The following MARK4 variants were observed in gnomAD, a reference collection of about 807,000 sequenced individuals.
MARK4 encodes the protein MAP/microtubule affinity-regulating kinase 4.
Under a neutral mutation model 81.5 loss-of-function variants are expected in MARK4, and 19 were observed. The observed-to-expected ratio is 0.23, with a 90% CI of 0.16 to 0.34. MARK4 has a LOEUF of 0.34. Ranked by LOEUF, MARK4 falls within the 10% of genes least tolerant of loss-of-function variation. MARK4 has a pLI of 1.00. For synonymous variants in MARK4, 436 were observed against 439.0 expected, an observed-to-expected ratio of 0.99 and a Z score of 0.08; for missense variants, 772 against 1,058.8, an observed-to-expected ratio of 0.73 and a Z score of 3.76.
intron 7 of MARK4, among the ~76,000 whole-genome samples, chr19:45,269,689 A>G (rs1970500279): frequency 6.6e-6 from 1 of 152,074 alleles, no homozygotes; most frequent in Non-Finnish European, 1.5e-5. Context: ...CACTGTGGAA[A>G]CGGGTGGCCT....
chr19:45,267,701 C>T (rs1054057549), intron 7 of MARK4, among the ~76,000 whole-genome samples: 1 of 152,078 alleles, frequency 6.6e-6, no homozygotes, highest in African/African-American at 2.4e-5. Flanking sequence ...TTTTTTGTTG[C>T]CCATACTGAA....
At position 45,302,904 on chromosome 19, in the gene MARK4, C is replaced by CG. The variant is rs34473699; in HGVS notation, c.*200dup. 6.7e-6 allele frequency: 6 copies of CG among 889,634 alleles called. No individual in the cohort carries two copies. The highest frequency in any genetic ancestry group is 9.9e-6 in the Non-Finnish European group (6 of 605,342). 55.1% of individuals were successfully genotyped at this position (889,634 alleles called of 1,614,324 possible). ...ACAGAAGAAGGATGAGGGGGCTCAG[C>CG]GGGGGGAGCTGGCACCTTCCTGGAG... On this transcript the variant is annotated 3_prime_UTR_variant, in exon 17 of 17. Coordinates refer to ENST00000262891, the MANE Select transcript of MARK4 (RefSeq NM_001199867.2). This position sits in a 1 kb window ranked among gnomAD's most constrained non-coding sequence, Gnocchi z 4.9.
rs375454769 is a variant in MARK4 at position 45,294,423 on chromosome 19, G to C, written c.1569G>C (p.Pro523=). Reference sequence around the variant, plus strand: ...CAGAACGCCCGGGGGCTGAGCGCCCGTCACTGTTGCCAAATGGGAAAGAAA... The same window carrying C: ...CAGAACGCCCGGGGGCTGAGCGCCCCTCACTGTTGCCAAATGGGAAAGAAA... The part of the protein sequence containing the change: ...VCTERPGAER[P]SLLPNGKENS... Residue 523 remains proline (P), a synonymous_variant, in exon 14 of 17, where the codon CCG becomes CCC. Transcript: ENST00000262891. 3 of 1,614,100 alleles carry C rather than the reference G, an allele frequency of 1.9e-6. No homozygotes were observed. In the South Asian group the frequency reaches 3.3e-5, roughly 18 times the overall value.
chr19:45,294,489 G>A, intron 14 of MARK4, 37 bp downstream of exon 14: 2 of 1,569,088 alleles, frequency 1.3e-6, no homozygotes, highest in Non-Finnish European at 1.8e-6. Context: ...GGGGTGGGAA[G>A]TAGGGGGTAG....
intron 4 of MARK4, 21 bp downstream of exon 4, chr19:45,263,388 G>A (rs748312989): frequency 1.2e-4 from 197 of 1,614,014 alleles, no homozygotes; most frequent in Middle Eastern, 3.3e-4. Context: ...AATGGGAGCA[G>A]GGGCAGGCCA....
At chr19:45,276,807 T>A (rs1348396561) in intron 8 of MARK4, among the ~76,000 whole-genome samples, 1 of 150,984 alleles carries the variant, frequency 6.6e-6, no homozygotes, top group African/African-American at 2.4e-5. Context: ...TGTATTTTTT[T>A]TTTTTTTAGT....
rs538188012 is a variant in MARK4 at position 45,303,618 on chromosome 19, A to G, written c.*908A>G. 1.3e-5 allele frequency: 2 copies of G among 152,302 alleles called. No individual in the cohort carries two copies. Among genetic ancestry groups the G allele is most frequent in the East Asian group, 1.9e-4 (1 of 5,184 alleles). 9.4% of individuals were successfully genotyped at this position (152,302 alleles called of 1,614,324 possible). A position where few individuals can be genotyped will look rare whatever the true frequency, so the allele number is the denominator to read the frequency against. ...CACTCACACTCCCAGCCACCATGTTACACTGGACTCTAAGCCACTTCTTAC... is the reference window on the plus strand; with the variant it reads ...CACTCACACTCCCAGCCACCATGTTGCACTGGACTCTAAGCCACTTCTTAC... On this transcript the variant is annotated 3_prime_UTR_variant, in exon 17 of 17. Transcript: ENST00000262891.
intron 8 of MARK4, among the ~76,000 whole-genome samples, chr19:45,272,503 C>G (rs187662809): frequency 1.9e-4 from 29 of 152,138 alleles, no homozygotes; most frequent in Admixed American, 1.9e-3. Flanking sequence ...AAGTGGATTA[C>G]TGGTTGCCTG....
rs200323133 is a variant in MARK4, at chr19:45,302,484, G to T, written c.2033G>T (p.Arg678Leu). The change falls in exon 17 of 17, where the codon CGC (arginine) becomes CTC (leucine). Residue 678 changes from arginine to leucine, a missense_variant. Arg to Leu is a moderately radical substitution (Grantham distance 102, BLOSUM62 -2). Coordinates refer to ENST00000262891, the MANE Select transcript of MARK4 (RefSeq NM_001199867.2). This position sits in a 1 kb window ranked among gnomAD's most constrained non-coding sequence, Gnocchi z 4.9. ...RPPEALMAALRQATAAARCRC... is the reference protein window; with the variant it reads ...RPPEALMAALLQATAAARCRC... ...CCTGAGGCCCTGATGGCAGCTCTGC[G>T]CCAGGCCACAGCAGCCGCCCGCTGC... is the stretch of plus-strand genomic sequence containing the variant. The T allele has an allele frequency of 4.3e-6, 7 of 1,610,670 alleles. No homozygotes were observed. The East Asian group carries it at 1.6e-4, about 36-fold the overall frequency.
chr19:45,264,916 G>C lies in MARK4; in HGVS notation c.492+6G>C, dbSNP rs1044535314. 2 of 1,614,064 alleles carry C rather than the reference G, an allele frequency of 1.2e-6. No homozygotes were observed. The highest frequency in any genetic ancestry group is 1.7e-6 in the Non-Finnish European group (2 of 1,179,962). On this transcript the variant is annotated splice_donor_region_variant and intron_variant, in intron 6 of 16. Transcript: ENST00000262891. ...CTCGAGCCAAGTTCCGACAGGTTGG[G>C]GCAGGGCTGAGGGTGGGGCTGACTG... is the stretch of plus-strand genomic sequence containing the variant.
At position 45,304,773 on chromosome 19, in the gene MARK4, GA is replaced by G; in HGVS notation, c.*2065del. On this transcript the variant is annotated 3_prime_UTR_variant, in exon 17 of 17. Transcript: ENST00000262891. Reference sequence around the variant, plus strand: ...CAGCCAGGGAGGGCTTCCTGGAGGAGAAGGAGCCAGCTAGACATGGATAGGA... The same window carrying G: ...CAGCCAGGGAGGGCTTCCTGGAGGAGAGGAGCCAGCTAGACATGGATAGGA... The G allele has an allele frequency of 6.5e-6, 1 of 153,028 alleles. No individual in the cohort carries two copies. Among genetic ancestry groups the G allele is most frequent in the Non-Finnish European group, 1.5e-5 (1 of 68,602 alleles). The allele number at this position is 153,028 out of a possible 1,614,324, so 9.5% of individuals were successfully genotyped here. A position where few individuals can be genotyped will look rare whatever the true frequency, so the allele number is the denominator to read the frequency against.
Position 45,271,346 on chromosome 19 carries a change from A to G in MARK4, c.550-126A>G. 1 of 870,188 alleles carries G rather than the reference A, an allele frequency of 1.1e-6. No individual in the cohort carries two copies. Among genetic ancestry groups the G allele is most frequent in the Admixed American group, 2.2e-5 (1 of 45,604 alleles). 53.9% of individuals were successfully genotyped at this position (870,188 alleles called of 1,614,324 possible). On this transcript the variant is annotated intron_variant, in intron 7 of 16. Coordinates refer to ENST00000262891, the MANE Select transcript of MARK4 (RefSeq NM_001199867.2). This position sits in a 1 kb window ranked among gnomAD's most constrained non-coding sequence, Gnocchi z 4.1. ...ACTACCTAAGGTCAGGTAGAGAGTA[A>G]AGGACAGGCCCAAGAGTTGATCCCT...
intron 7 of MARK4, among the ~76,000 whole-genome samples, chr19:45,269,333 C>T (rs567796185): frequency 9.2e-5 from 14 of 152,088 alleles, no homozygotes; most frequent in East Asian, 5.8e-4. Flanking sequence ...GAGCCGAGAT[C>T]GTGCCACTGC....
At chr19:45,263,461 AC>A in intron 4 of MARK4, 94 bp downstream of exon 4, 1 of 1,523,690 alleles carries the variant, frequency 6.6e-7, no homozygotes, top group Non-Finnish European at 9.1e-7. Context: ...TTGGAGACCC[AC>A]CAGGCGCAGT....
chr19:45,266,602 C>T lies in MARK4; in HGVS notation c.549+321C>T, dbSNP rs145692846. Among the ~76,000 whole-genome samples, 7 of 152,082 alleles carry T rather than the reference C, an allele frequency of 4.6e-5. No individual in the cohort carries two copies. The East Asian group carries it at 1.2e-3, about 25-fold the overall frequency. On this transcript the variant is annotated intron_variant, in intron 7 of 16. Transcript: ENST00000262891. ...CGCTGGGACATGATAAGGGGTTTGT[C>T]GCTCTCAGAGCCTTTGGGACCTTGG...
At chr19:45,268,900 C>G (rs1188441304) in intron 7 of MARK4, among the ~76,000 whole-genome samples, 1 of 152,196 alleles carries the variant, frequency 6.6e-6, no homozygotes, top group East Asian at 1.9e-4. Context: ...CCACACGGCC[C>G]TGGAGGCAGC....
Position 45,302,680 on chromosome 19 carries a change from C to G in MARK4, c.2229C>G (p.Val743=). 6.5e-7 allele frequency: 1 copy of G among 1,536,906 alleles called. No homozygotes were observed. Among genetic ancestry groups the G allele is most frequent in the African/African-American group, 1.4e-5 (1 of 73,182 alleles). Residue 743 remains valine (V), a synonymous_variant, in exon 17 of 17, where the codon GTC becomes GTG. Transcript: ENST00000262891. The surrounding 1 kb of genome is among the most constrained non-coding windows in gnomAD (Gnocchi z 4.9). ...CCGCCCTGGCCTTCCGCACCCTCGT[C>G]ACCCGCATCTCCAACGACCTCGAGC... is the stretch of plus-strand genomic sequence containing the variant. ...AGTALAFRTL[V]TRISNDLEL
intron 13 of MARK4, among the ~76,000 whole-genome samples, chr19:45,292,953 A>G (rs917101254): frequency 6.6e-6 from 1 of 151,648 alleles, no homozygotes. Flanking sequence ...AACAAAACCT[A>G]AAGTTGGTTT....
rs988023413 is a variant in MARK4 at position 45,290,900 on chromosome 19, G to T, written c.1494+3236G>T. On this transcript the variant is annotated intron_variant, in intron 13 of 16. Coordinates refer to ENST00000262891, the MANE Select transcript of MARK4 (RefSeq NM_001199867.2). ...GAATGTTGTGAGGGAACCCCGTGGG[G>T]ATGGGCCAGGAGAGGGTGCACCTGA... Among the ~76,000 whole-genome samples, 5 of 152,188 alleles carry T rather than the reference G, an allele frequency of 3.3e-5. No individual in the cohort carries two copies. In the East Asian group the frequency reaches 7.7e-4, roughly 23 times the overall value.
Sources: gnomAD v4.1 joint callset for allele counts (sites outside exome capture counted in the v4.1 genomes callset) on GRCh38, gnomAD v4.1.1 for gene constraint, Gnocchi (gnomAD v3.1) non-coding constraint, MANE v1.5 for transcripts, NCBI Gene and HGNC (gene_info 2026-07-23, HGNC 2026-07-21) for gene names.